The following WBP2NL variants were observed in gnomAD, a reference collection of about 807,000 sequenced individuals.
WBP2NL encodes the protein postacrosomal sheath WW domain-binding protein.
Under a neutral mutation model 23.3 loss-of-function variants are expected in WBP2NL, and 27 were observed. That is an observed-to-expected ratio of 1.16 (90% CI 0.85 to 1.60). WBP2NL has a LOEUF of 1.60. WBP2NL is among the 40% of genes most tolerant of loss of function. The pLI, the probability that WBP2NL is intolerant of heterozygous loss-of-function variation, is 0.00. For synonymous variants in WBP2NL, 151 were observed against 145.9 expected (o/e 1.03, Z -0.25); for missense variants, 370 against 389.5 (o/e 0.95, Z 0.42).
chr22:42,010,112 A>AT (rs746459632), intron 1 of WBP2NL, among the ~76,000 whole-genome samples: 4 of 152,142 alleles, frequency 2.6e-5, no homozygotes, highest in Non-Finnish European at 5.9e-5. Flanking sequence ...ATCATTCATA[A>AT]TTAGTGTATA....
chr22:42,021,660 T>A (rs2146791865), intron 4 of WBP2NL, among the ~76,000 whole-genome samples: 1 of 152,200 alleles, frequency 6.6e-6, no homozygotes, highest in Middle Eastern at 3.4e-3. Context: ...CACTTAGAAG[T>A]TTTTTCTGAA....
intron 5 of WBP2NL, 48 bp from the exon 6 acceptor site, chr22:42,026,718 C>A (rs780543107): frequency 1.3e-6 from 2 of 1,583,140 alleles, no homozygotes; most frequent in African/African-American, 2.7e-5. Flanking sequence ...TCACATATTC[C>A]TTGACTTAAA....
chr22:42,018,124 G>C (rs1923490770), intron 1 of WBP2NL, among the ~76,000 whole-genome samples: 1 of 149,458 alleles, frequency 6.7e-6, no homozygotes, highest in Non-Finnish European at 1.5e-5. Flanking sequence ...ACTCAAACCT[G>C]GGGGACAAGA....
chr22:42,054,715 T>TAAAA lies in WBP2NL; in HGVS notation c.*274-3562_*274-3559dup, dbSNP rs57938269. 3.6e-3 allele frequency among the ~76,000 whole-genome samples: 495 copies of TAAAA among 139,216 alleles called. 1 individual carries two copies. Among genetic ancestry groups the TAAAA allele is most frequent in the African/African-American group, 0.012 (470 of 38,316 alleles). The allele number at this position is 139,216 out of a possible 152,430, so 91.3% of individuals were successfully genotyped here. ...TAATTGAAGGGTCTTAGTACCTTTGTAAAAAAAAAAAAAAAATCAATTAAC... is the reference window on the plus strand; with the variant it reads ...TAATTGAAGGGTCTTAGTACCTTTGTAAAAAAAAAAAAAAAAAAAATCAATTAAC... On this transcript the variant is annotated intron_variant and NMD_transcript_variant, in intron 8 of 8. Transcript: ENST00000436265.
At chr22:42,047,612 A>C (rs1042358330) in intron 8 of WBP2NL, among the ~76,000 whole-genome samples, 9 of 142,582 alleles carry the variant, frequency 6.3e-5, no homozygotes, top group East Asian at 6.1e-4. Context: ...CCCAAAAAAA[A>C]CCAATCAAAT....
At chr22:42,044,980 T>C (rs1390446842) in intron 8 of WBP2NL, among the ~76,000 whole-genome samples, 1 of 151,840 alleles carries the variant, frequency 6.6e-6, no homozygotes, top group Non-Finnish European at 1.5e-5. Flanking sequence ...CTGGCTAATT[T>C]TTTTTTCTTT....
At chr22:42,054,480 C>A (rs530822154) in intron 8 of WBP2NL, among the ~76,000 whole-genome samples, 1 of 152,028 alleles carries the variant, frequency 6.6e-6, no homozygotes, top group African/African-American at 2.4e-5. Context: ...CATGACCCAC[C>A]GTACCCAGCC....
intron 8 of WBP2NL, among the ~76,000 whole-genome samples, chr22:42,040,285 C>T (rs1343313614): frequency 2.7e-5 from 4 of 150,236 alleles, no homozygotes; most frequent in Non-Finnish European, 4.4e-5. Context: ...TGCAATGGTG[C>T]GATCTCAGCT....
At chr22:42,048,179 T>C (rs1048634395) in intron 8 of WBP2NL, among the ~76,000 whole-genome samples, 4 of 151,198 alleles carry the variant, frequency 2.6e-5, no homozygotes, top group Non-Finnish European at 4.4e-5. Flanking sequence ...CCCAGCACTT[T>C]GGGAGGCCAA....
downstream of WBP2NL, among the ~76,000 whole-genome samples, chr22:42,029,387 T>G (rs1230312715): frequency 6.6e-6 from 1 of 152,142 alleles, no homozygotes; most frequent in East Asian, 1.9e-4. Flanking sequence ...CATTTTTTTT[T>G]TTGAGACAGA....
rs575570108 is a variant in WBP2NL at position 42,025,325 on chromosome 22, T to C, written c.515-1441T>C. Among the ~76,000 whole-genome samples the C allele has an allele frequency of 4.3e-4, 66 of 152,352 alleles. No homozygotes were observed. The South Asian group carries it at 0.014, about 32-fold the overall frequency. On this transcript the variant is annotated intron_variant, in intron 5 of 5. Transcript: ENST00000328823. ...CAGCCCAACACAAATTCATAAACTT[T>C]CTTCAAATGTTATGAGATTTTTAAA...
At chr22:42,002,574 G>T (rs1421579704) in intron 1 of WBP2NL, 3 of 152,162 alleles carry the variant, frequency 2.0e-5, no homozygotes, top group African/African-American at 7.2e-5. Context: ...GGGTAACAGG[G>T]TGAGGCTCTG....
At position 42,019,725 on chromosome 22, in the gene WBP2NL, C is replaced by A; in HGVS notation, c.235C>A (p.Leu79Met). ...GTTGTCTTTTATGATGCCATTTGAT[C>A]TGATGACGAACCTCACTGTTGAACA... ...PMLSFMMPFD[L>M]MTNLTVEQPV... The change falls in exon 3 of 6, where the codon CTG becomes ATG. Residue 79 changes from leucine (L) to methionine (M), a missense_variant. Transcript: ENST00000328823. 1 of 1,614,190 alleles carries A rather than the reference C, an allele frequency of 6.2e-7. No homozygotes were observed. The highest frequency in any genetic ancestry group is 1.1e-5 in the South Asian group (1 of 91,074).
At chr22:42,006,119 A>G (rs1922213165) in intron 1 of WBP2NL, among the ~76,000 whole-genome samples, 1 of 152,192 alleles carries the variant, frequency 6.6e-6, no homozygotes, top group African/African-American at 2.4e-5. Context: ...GCTCCTGTTC[A>G]TCGTTCTCAT....
intron 5 of WBP2NL, among the ~76,000 whole-genome samples, chr22:42,025,998 G>A (rs1009470186): frequency 1.3e-4 from 20 of 152,112 alleles, no homozygotes; most frequent in Admixed American, 4.6e-4. Flanking sequence ...CTGGCCGGGC[G>A]CAGTGGCTCA....
At chr22:42,053,505 G>C (rs1461740343) in intron 8 of WBP2NL, among the ~76,000 whole-genome samples, 1 of 151,092 alleles carries the variant, frequency 6.6e-6, no homozygotes, top group Non-Finnish European at 1.5e-5. Flanking sequence ...TCTCACCCAG[G>C]CTGGAGTGCA....
At chr22:42,019,977 G>A in intron 3 of WBP2NL, 27 bp from the exon 4 acceptor site, 1 of 1,610,158 alleles carries the variant, frequency 6.2e-7, no homozygotes, top group Non-Finnish European at 8.5e-7. Context: ...CAGTTTCTTG[G>A]TGAGTGTGTG....
At chr22:42,048,964 G>A (rs1925709738) in intron 8 of WBP2NL, among the ~76,000 whole-genome samples, 1 of 152,096 alleles carries the variant, frequency 6.6e-6, no homozygotes, top group African/African-American at 2.4e-5. Flanking sequence ...TGAACCTCCT[G>A]TTGGAAGTTC....
At chr22:42,032,791 T>G (rs1925033609), downstream of WBP2NL, 2 of 469,434 alleles carry the variant, frequency 4.3e-6, no homozygotes, top group Non-Finnish European at 8.8e-6. Context: ...GAAGGGGTTC[T>G]GTCAAAGGGA....
Sources: gnomAD v4.1 joint callset for allele counts (sites outside exome capture counted in the v4.1 genomes callset) on GRCh38, gnomAD v4.1.1 for gene constraint, MANE v1.5 for transcripts, NCBI Gene and HGNC (gene_info 2026-07-23, HGNC 2026-07-21) for gene names.